The following PRKCE variants were observed in gnomAD, a reference collection of about 807,000 sequenced individuals.
PRKCE encodes the protein protein kinase C epsilon.
In PRKCE, 16 loss-of-function variants were observed where a neutral mutation model predicts 85.4. That is an observed-to-expected ratio of 0.19 (90% CI 0.13 to 0.28). The LOEUF is 0.28. PRKCE is among the 10% of genes least tolerant of loss of function. The pLI is 1.00. For missense variants in PRKCE, 573 were observed against 975.2 expected, an observed-to-expected ratio of 0.59 and a Z score of 5.49; for synonymous variants, 388 against 371.5, an observed-to-expected ratio of 1.04 and a Z score of -0.51.
intron 11 of PRKCE, among the ~76,000 whole-genome samples, chr2:46,104,559 T>C (rs568437556): frequency 6.6e-6 from 1 of 152,226 alleles, no homozygotes; most frequent in East Asian, 1.9e-4. Context: ...GAGTACTATA[T>C]ACAATGAGCC....
chr2:45,900,633 T>C (rs1429569853), intron 2 of PRKCE, among the ~76,000 whole-genome samples: 1 of 152,232 alleles, frequency 6.6e-6, no homozygotes, highest in Admixed American at 6.5e-5. Context: ...TAGAGGACTA[T>C]TGTTCAATGG....
intron 10 of PRKCE, among the ~76,000 whole-genome samples, chr2:46,052,656 A>G (rs556998416): frequency 1.3e-5 from 2 of 152,366 alleles, no homozygotes; most frequent in South Asian, 2.1e-4. Flanking sequence ...CTTAAAATTC[A>G]TATGAAATTG....
intron 1 of PRKCE, among the ~76,000 whole-genome samples, chr2:45,770,188 C>T (rs942220627): frequency 6.6e-6 from 1 of 152,220 alleles, no homozygotes; most frequent in Non-Finnish European, 1.5e-5. Context: ...CTGGGGGACA[C>T]TGTTCTGCTC....
Position 45,652,596 on chromosome 2 carries a change from T to A in PRKCE, c.348+148T>A. 1 of 784,544 alleles carries A rather than the reference T, an allele frequency of 1.3e-6. No individual in the cohort carries two copies. The highest frequency in any genetic ancestry group is 2.0e-6 in the Non-Finnish European group (1 of 505,406). 48.6% of individuals were successfully genotyped at this position (784,544 alleles called of 1,614,324 possible). A position where few individuals can be genotyped will look rare whatever the true frequency, so the allele number is the denominator to read the frequency against. On this transcript the variant is annotated intron_variant, in intron 1 of 14. Transcript: ENST00000306156. This position sits in a 1 kb window ranked among gnomAD's most constrained non-coding sequence, Gnocchi z 7.7. ...CTCAGTTTCCTTGGGGAGGTACACTTCACTTCATAGTTGGGGAGAAACAGG... is the reference window on the plus strand; with the variant it reads ...CTCAGTTTCCTTGGGGAGGTACACTACACTTCATAGTTGGGGAGAAACAGG...
In PRKCE at chr2:46,112,498, TTTTTGTTTG is replaced by T. The variant is rs1489536043; in HGVS notation, c.1592+26140_1592+26148del. On this transcript the variant is annotated intron_variant, in intron 11 of 14. Transcript: ENST00000306156. ...CCCTGTTTTTGTTTTTTTGGTTTTT[TTTTTGTTTG>T]TTTGTTTGTTTGTTTTTTGTTTTTG... Among the ~76,000 whole-genome samples the T allele has an allele frequency of 8.4e-3, 862 of 102,106 alleles. 10 individuals carry two copies. The highest frequency in any genetic ancestry group is 0.022 in the African/African-American group (810 of 37,102). 67.0% of individuals were successfully genotyped at this position (102,106 alleles called of 152,430 possible). A position where few individuals can be genotyped will look rare whatever the true frequency, so the allele number is the denominator to read the frequency against.
chr2:45,908,349 C>A (rs753200285), intron 2 of PRKCE, among the ~76,000 whole-genome samples: 2 of 152,182 alleles, frequency 1.3e-5, no homozygotes, highest in Non-Finnish European at 2.9e-5. Flanking sequence ...CAGCCAGAAA[C>A]GGACCAGGAG....
intron 2 of PRKCE, among the ~76,000 whole-genome samples, chr2:45,926,513 T>C (rs773573901): frequency 1.5e-4 from 23 of 152,234 alleles, no homozygotes; most frequent in Non-Finnish European, 3.2e-4. Context: ...AACGTAGTAC[T>C]GGCATATTAC....
chr2:45,701,710 T>C (rs987678741), intron 1 of PRKCE, among the ~76,000 whole-genome samples: 1 of 152,210 alleles, frequency 6.6e-6, no homozygotes, highest in Non-Finnish European at 1.5e-5. Context: ...TGGCCCCAGA[T>C]GGAAACAGAA....
In PRKCE at chr2:45,956,951, G is replaced by A. The variant is rs190523747; in HGVS notation, c.413-19478G>A. On this transcript the variant is annotated intron_variant, in intron 2 of 14. Coordinates refer to ENST00000306156, the MANE Select transcript of PRKCE (RefSeq NM_005400.3). The stretch of plus-strand genomic sequence containing the variant: ...ATTAGCATATATCTTTTTTGATAAG[G>A]TGTTGTTCACATTTTTAGCTCATTT... 4.1e-4 allele frequency among the ~76,000 whole-genome samples: 62 copies of A among 152,066 alleles called. 1 individual carries two copies. In the East Asian group the frequency reaches 0.011, roughly 28 times the overall value.
intron 1 of PRKCE, among the ~76,000 whole-genome samples, chr2:45,709,699 T>G (rs1189980762): frequency 6.6e-6 from 1 of 152,180 alleles, no homozygotes; most frequent in Non-Finnish European, 1.5e-5. Flanking sequence ...TCTTTCAAAC[T>G]CTTTTGAATA....
At chr2:45,803,566 G>A (rs1282135222) in intron 1 of PRKCE, among the ~76,000 whole-genome samples, 2 of 152,146 alleles carry the variant, frequency 1.3e-5, no homozygotes, top group East Asian at 1.9e-4. Flanking sequence ...TGAGTTAGGG[G>A]AGTGGTCACG....
intron 4 of PRKCE, among the ~76,000 whole-genome samples, chr2:45,979,739 C>T (rs569644872): frequency 6.6e-6 from 1 of 152,296 alleles, no homozygotes; most frequent in South Asian, 2.1e-4. Flanking sequence ...ACCTTTTCAG[C>T]CACCTACTGC....
At chr2:45,685,770 G>A (rs746041919) in intron 1 of PRKCE, among the ~76,000 whole-genome samples, 3 of 152,170 alleles carry the variant, frequency 2.0e-5, no homozygotes, top group Non-Finnish European at 4.4e-5. Flanking sequence ...TCAGGCTTTC[G>A]TGGACTGGGT....
At chr2:45,708,801 C>A (rs1558580064) in intron 1 of PRKCE, among the ~76,000 whole-genome samples, 1 of 152,116 alleles carries the variant, frequency 6.6e-6, no homozygotes, top group Non-Finnish European at 1.5e-5. Context: ...GGGTCAGTGT[C>A]CCAGGTGCCT....
In PRKCE at chr2:45,915,628, C is replaced by A. The variant is rs114433669; in HGVS notation, c.413-60801C>A. Among the ~76,000 whole-genome samples, 1,084 of 152,262 alleles carry A rather than the reference C, an allele frequency of 7.1e-3. 31 individuals carry two copies. In the East Asian group the frequency reaches 0.096, roughly 13 times the overall value. On this transcript the variant is annotated intron_variant, in intron 2 of 14. Coordinates refer to ENST00000306156, the MANE Select transcript of PRKCE (RefSeq NM_005400.3). ...GAGGCAGATGTAGATTTTCAAGTATCTCAAAGTTCTATCAAATTCGTATGA... is the reference window on the plus strand; with the variant it reads ...GAGGCAGATGTAGATTTTCAAGTATATCAAAGTTCTATCAAATTCGTATGA...
At chr2:45,894,657 A>T (rs554815909) in intron 2 of PRKCE, among the ~76,000 whole-genome samples, 1 of 152,118 alleles carries the variant, frequency 6.6e-6, no homozygotes, top group Non-Finnish European at 1.5e-5. Context: ...TGCCTGGCAC[A>T]CACACACAGT....
chr2:45,684,158 C>T (rs950728124), intron 1 of PRKCE, among the ~76,000 whole-genome samples: 3 of 152,174 alleles, frequency 2.0e-5, no homozygotes, highest in Admixed American at 1.3e-4. Flanking sequence ...GTCTCTCTAC[C>T]TCATTGAAAC....
rs35972016 is a variant in PRKCE at position 45,834,592 on chromosome 2, ATG to A, written c.349-8386_349-8385del. Among the ~76,000 whole-genome samples, 401 of 147,714 alleles carry A rather than the reference ATG, an allele frequency of 2.7e-3. 2 individuals are homozygous for A. The highest frequency in any genetic ancestry group is 7.7e-3 in the East Asian group (39 of 5,034). On this transcript the variant is annotated intron_variant, in intron 1 of 14. Coordinates refer to ENST00000306156, the MANE Select transcript of PRKCE (RefSeq NM_005400.3). ...GCAGATCACGTGTGCGCATGTGTGT[ATG>A]TGTGTGTGTGTGTGTGTGTGTACAC...
chr2:45,656,045 A>C (rs1251546885), intron 1 of PRKCE, among the ~76,000 whole-genome samples: 1 of 152,196 alleles, frequency 6.6e-6, no homozygotes, highest in Non-Finnish European at 1.5e-5. Flanking sequence ...ATGGATGAGC[A>C]GGACAGAAAC....
Sources: gnomAD v4.1 joint callset for allele counts (sites outside exome capture counted in the v4.1 genomes callset) on GRCh38, gnomAD v4.1.1 for gene constraint, Gnocchi (gnomAD v3.1) non-coding constraint, MANE v1.5 for transcripts, NCBI Gene and HGNC (gene_info 2026-07-23, HGNC 2026-07-21) for gene names.